ARFGEF2: variants seen among roughly 807,000 people sequenced by gnomAD.
ARFGEF2 encodes brefeldin A-inhibited guanine nucleotide-exchange protein 2.
Under a neutral mutation model 219.9 loss-of-function variants are expected in ARFGEF2, and 74 were observed. That is an observed-to-expected ratio of 0.34 (90% CI 0.28 to 0.41). The LOEUF is 0.41. ARFGEF2 is among the 10% of genes least tolerant of loss of function. ARFGEF2 has a pLI of 1.00. For missense variants in ARFGEF2, 1,743 were observed against 2,218.3 expected (o/e 0.79, Z 4.30); for synonymous variants, 733 against 799.2 (o/e 0.92, Z 1.40).
At chr20:49,006,824 G>A (rs1375265689) in intron 26 of ARFGEF2, among the ~76,000 whole-genome samples, 13 of 152,192 alleles carry the variant, frequency 8.5e-5, no homozygotes, top group South Asian at 4.2e-4. Flanking sequence ...AGGAGCTGTC[G>A]GCCATTGTCA....
chr20:49,033,189 C>T lies in ARFGEF2; in HGVS notation c.5348C>T (p.Pro1783Leu), dbSNP rs950896925. The change falls in exon 39 of 39, where the codon CCA (proline) becomes CTA (leucine). Residue 1783 changes from proline (P) to leucine (L), a missense_variant. Around this residue, in one of 5 missense-constraint regions of ARFGEF2, gnomAD observed 578 missense variants for 664.0 expected, o/e 0.87. Coordinates refer to ENST00000371917, the MANE Select transcript of ARFGEF2 (RefSeq NM_006420.3). The part of the protein sequence containing the change: ...EPSQVPAALS[P>L]VW Reference sequence around the variant, plus strand: ...TCACAGGTACCAGCAGCACTGTCACCAGTGTGGTAGCCCTGGCTGCCCAGG... The same window carrying T: ...TCACAGGTACCAGCAGCACTGTCACTAGTGTGGTAGCCCTGGCTGCCCAGG... The T allele has an allele frequency of 6.2e-7, 1 of 1,614,190 alleles. No homozygotes were observed.
chr20:48,989,439 G>A lies in ARFGEF2; in HGVS notation c.2685+3G>A. Reference sequence around the variant, plus strand: ...ACCATGTCCGGCCAATGTTCAAAGTGAGTATCCTGAGAACTTAGCAAGCAT... The same window carrying A: ...ACCATGTCCGGCCAATGTTCAAAGTAAGTATCCTGAGAACTTAGCAAGCAT... On this transcript the variant is annotated splice_donor_region_variant and intron_variant, in intron 19 of 38. Transcript: ENST00000371917. 3.1e-6 allele frequency: 5 copies of A among 1,614,226 alleles called. No individual in the cohort carries two copies. The highest frequency in any genetic ancestry group is 3.4e-6 in the Non-Finnish European group (4 of 1,180,040).
intron 3 of ARFGEF2, among the ~76,000 whole-genome samples, chr20:48,950,807 AAAAAATATAT>A (rs1336622954): frequency 2.0e-3 from 88 of 44,796 alleles, no homozygotes; most frequent in East Asian, 8.1e-3. Context: ...AAAAAAAAAA[AAAAAATATAT>A]ATATATATAT....
Position 49,012,060 on chromosome 20 carries a change from C to G in ARFGEF2, c.3894C>G (p.Gly1298=). 1 of 1,614,212 alleles carries G rather than the reference C, an allele frequency of 6.2e-7. No individual in the cohort carries two copies. Among genetic ancestry groups the G allele is most frequent in the Non-Finnish European group, 8.5e-7 (1 of 1,180,036 alleles). ...CGATTCGGCTCATCCGCTTCTGTGG[C>G]AAATACGTCTCTGAGAGGCCTCGGG... ...MEAIRLIRFC[G]KYVSERPRVL... The change falls in exon 28 of 39, where the codon GGC becomes GGG. Residue 1298 remains glycine, a synonymous_variant. Transcript: ENST00000371917.
intron 5 of ARFGEF2, 105 bp from the exon 6 acceptor site, chr20:48,953,451 T>G (rs551648333): frequency 1.9e-6 from 2 of 1,043,896 alleles, no homozygotes; most frequent in Admixed American, 3.5e-5. Flanking sequence ...GCTGAAATTA[T>G]AGGCGTTAAC....
At position 48,971,330 on chromosome 20, in the gene ARFGEF2, A is replaced by C. The variant is rs1196396744; in HGVS notation, c.1401A>C (p.Lys467Asn). The change falls in exon 10 of 39, where the codon AAA becomes AAC. Residue 467 changes from lysine to asparagine, a missense_variant. By Grantham distance (94) the Lys-to-Asn change is moderately conservative. Coordinates refer to ENST00000371917, the MANE Select transcript of ARFGEF2 (RefSeq NM_006420.3). ...TTCTTACTCTTCTTTCAAACTTTAAAATGCACTTGAAAATGCAGATAGAGG... is the reference window on the plus strand; with the variant it reads ...TTCTTACTCTTCTTTCAAACTTTAACATGCACTTGAAAATGCAGATAGAGG... ...AIFLTLLSNF[K>N]MHLKMQIEVF... 5 of 1,614,016 alleles carry C rather than the reference A, an allele frequency of 3.1e-6. No homozygotes were observed. Among genetic ancestry groups the C allele is most frequent in the Non-Finnish European group, 4.2e-6 (5 of 1,180,016 alleles).
chr20:49,019,315 A>C (rs546570877), intron 34 of ARFGEF2, among the ~76,000 whole-genome samples: 1 of 152,236 alleles, frequency 6.6e-6, no homozygotes, highest in South Asian at 2.1e-4. Flanking sequence ...TATATAGTAC[A>C]TATGAATTTT....
intron 14 of ARFGEF2, among the ~76,000 whole-genome samples, chr20:48,983,269 A>G (rs2091307825): frequency 1.3e-5 from 2 of 152,172 alleles, no homozygotes; most frequent in Non-Finnish European, 2.9e-5. Flanking sequence ...CATCATCACA[A>G]TCATTGGCAA....
chr20:49,009,964 A>T (rs1292091359), intron 26 of ARFGEF2, among the ~76,000 whole-genome samples: 1 of 152,118 alleles, frequency 6.6e-6, no homozygotes, highest in Admixed American at 6.6e-5. Context: ...TTTATTTGAG[A>T]CCCAGGCTTT....
intron 20 of ARFGEF2, among the ~76,000 whole-genome samples, chr20:48,990,378 A>C (rs1443586862): frequency 6.6e-6 from 1 of 152,216 alleles, no homozygotes; most frequent in East Asian, 1.9e-4. Flanking sequence ...TGCAATATGA[A>C]TATGTCTGTA....
intron 1 of ARFGEF2, among the ~76,000 whole-genome samples, chr20:48,936,190 A>C: frequency 9.2e-6 from 1 of 108,918 alleles, no homozygotes. Flanking sequence ...ACTTCCCAGT[A>C]GGGGCGGCCG....
chr20:48,973,302 A>C lies in ARFGEF2; in HGVS notation c.1665+18A>C. 6.2e-7 allele frequency: 1 copy of C among 1,613,712 alleles called. No individual in the cohort carries two copies. The highest frequency in any genetic ancestry group is 8.5e-7 in the Non-Finnish European group (1 of 1,179,744). On this transcript the variant is annotated intron_variant, in intron 12 of 38. Transcript: ENST00000371917. ...CTCTGCAGGTAAAAACACTGTGGAC[A>C]CTCAATTATATTAAAGTTTATTCAT...
At chr20:49,028,235 G>T (rs917305495) in intron 36 of ARFGEF2, among the ~76,000 whole-genome samples, 3 of 151,986 alleles carry the variant, frequency 2.0e-5, no homozygotes, top group African/African-American at 7.3e-5. Flanking sequence ...TCCAGCCTGG[G>T]CAACAAGAGT....
At chr20:48,951,176 A>G in intron 3 of ARFGEF2, 147 bp from the exon 4 acceptor site, 1 of 922,498 alleles carries the variant, frequency 1.1e-6, no homozygotes, top group Non-Finnish European at 1.7e-6. Flanking sequence ...GGTTGCAGTC[A>G]CAGAGTGGTT....
intron 20 of ARFGEF2, 53 bp downstream of exon 20, chr20:48,989,737 G>A: frequency 6.2e-7 from 1 of 1,611,498 alleles, no homozygotes; most frequent in Non-Finnish European, 8.5e-7. Context: ...TGCTCTTTTA[G>A]ATTTGGCAAA....
At chr20:48,950,805 AAAAAAAATATAT>A (rs1455816519) in intron 3 of ARFGEF2, among the ~76,000 whole-genome samples, 39 of 40,228 alleles carry the variant, frequency 9.7e-4, no homozygotes, top group African/African-American at 5.0e-3. Flanking sequence ...AAAAAAAAAA[AAAAAAAATATAT>A]ATATATATAT....
rs28937880 is a variant in ARFGEF2, at chr20:48,953,577, G to A, written c.625G>A (p.Glu209Lys). ...TTAGTTGCAGGAGGCCAGAGAACTGGAAAAACCAATCCAGTCAAAACCCCA... is the reference window on the plus strand; with the variant it reads ...TTAGTTGCAGGAGGCCAGAGAACTGAAAAAACCAATCCAGTCAAAACCCCA... ...NQVLQEAREL[E>K]KPIQSKPQSP... The change falls in exon 6 of 39, where the codon GAA (glutamate) becomes AAA (lysine). Residue 209 changes from glutamate to lysine, a missense_variant. Physicochemically the swap from Glu to Lys is moderately conservative, Grantham distance 56. Around this residue, in one of 5 missense-constraint regions of ARFGEF2, gnomAD observed 394 missense variants for 426.6 expected, o/e 0.92. Coordinates refer to ENST00000371917, the MANE Select transcript of ARFGEF2 (RefSeq NM_006420.3). 1,167 of 1,614,074 alleles carry A rather than the reference G, an allele frequency of 7.2e-4. 8 individuals carry two copies. The Admixed American group carries it at 0.01, about 15-fold the overall frequency.
chr20:49,032,501 A>G (rs2091641959), intron 38 of ARFGEF2, among the ~76,000 whole-genome samples: 1 of 152,166 alleles, frequency 6.6e-6, no homozygotes, highest in African/African-American at 2.4e-5. Context: ...TTTACAAAAT[A>G]AAAGAGCTGT....
intron 30 of ARFGEF2, 151 bp from the exon 31 acceptor site, chr20:49,016,129 C>G: frequency 1.4e-5 from 11 of 794,362 alleles, no homozygotes; most frequent in Non-Finnish European, 2.1e-5. Context: ...TGTATATCCT[C>G]TGTACATATG....
Sources: allele counts gnomAD v4.1 joint callset (sites outside exome capture counted in the v4.1 genomes callset), GRCh38; gene constraint gnomAD v4.1.1; regional missense constraint gnomAD v4.1.1; transcripts MANE v1.5; gene names NCBI Gene and HGNC (gene_info 2026-07-23, HGNC 2026-07-21).